Variants in SPAG16 observed in about 807,000 individuals in gnomAD.
The protein encoded by SPAG16 is sperm associated antigen 16.
Under a neutral mutation model 80.4 loss-of-function variants are expected in SPAG16, and 86 were observed. The ratio of observed to expected loss-of-function variants is 1.07; its 90% CI spans 0.90 to 1.28. The LOEUF is 1.28. SPAG16 is among the 50% of genes most tolerant of loss of function. The probability of loss-of-function intolerance (pLI) is 0.00; values close to 1 mark genes in which losing one functional copy is unlikely to be tolerated. For synonymous variants in SPAG16, 294 were observed against 265.9 expected (o/e 1.11, Z -1.03); for missense variants, 870 against 765.3 (o/e 1.14, Z -1.61).
intron 10 of SPAG16, among the ~76,000 whole-genome samples, chr2:213,815,125 G>T (rs1251468725): frequency 6.6e-6 from 1 of 151,854 alleles, no homozygotes; most frequent in African/African-American, 2.4e-5. Flanking sequence ...AGATATTCTG[G>T]GCAATCAAGT....
intron 10 of SPAG16, among the ~76,000 whole-genome samples, chr2:213,856,030 C>A (rs559971749): frequency 6.6e-6 from 1 of 152,282 alleles, no homozygotes; most frequent in South Asian, 2.1e-4. Context: ...TCGTCTGAGA[C>A]AAGTTCCTTC....
At chr2:213,691,413 T>G (rs567803282) in intron 10 of SPAG16, among the ~76,000 whole-genome samples, 1 of 152,162 alleles carries the variant, frequency 6.6e-6, no homozygotes, top group Non-Finnish European at 1.5e-5. Context: ...GGCACCTTGA[T>G]CAATAACCTC....
intron 12 of SPAG16, among the ~76,000 whole-genome samples, chr2:213,983,398 A>G (rs954900634): frequency 3.3e-5 from 5 of 151,950 alleles, no homozygotes; most frequent in African/African-American, 1.2e-4. Context: ...CTTTATGCCA[A>G]ACTGTGGTAT....
intron 12 of SPAG16, among the ~76,000 whole-genome samples, chr2:213,988,306 C>T (rs2106441900): frequency 6.6e-6 from 1 of 152,116 alleles, no homozygotes; most frequent in Non-Finnish European, 1.5e-5. Context: ...ATACTTTCTT[C>T]TTAAGTATAC....
rs1281595740 is a variant in SPAG16 at position 213,837,377 on chromosome 2, C to T, written c.1071-25108C>T. On this transcript the variant is annotated intron_variant, in intron 10 of 15. Coordinates refer to ENST00000331683, the MANE Select transcript of SPAG16 (RefSeq NM_024532.5). ...CATTTACAGCCTGACAACCTCTATG[C>T]TCTTCATAAATGAAAATTACAAATG... Among the ~76,000 whole-genome samples the T allele has an allele frequency of 2.0e-5, 3 of 152,218 alleles. No homozygotes were observed. In the East Asian group the frequency reaches 5.8e-4, roughly 29 times the overall value.
rs147130306 is a variant in SPAG16, at chr2:213,519,356, T to C, written c.1070+29266T>C. On this transcript the variant is annotated intron_variant, in intron 10 of 15. Transcript: ENST00000331683. ...TCTTGAATTGTACTCCCATAATTCCTATGTGTTGTGGGAGGGATGCAGTGG... is the reference window on the plus strand; with the variant it reads ...TCTTGAATTGTACTCCCATAATTCCCATGTGTTGTGGGAGGGATGCAGTGG... Among the ~76,000 whole-genome samples, 120 of 152,336 alleles carry C rather than the reference T, an allele frequency of 7.9e-4. 2 individuals carry two copies. Among genetic ancestry groups the C allele is most frequent in the Middle Eastern group, 3.4e-3 (1 of 294 alleles).
At chr2:214,388,340 A>G (rs916155644) in intron 15 of SPAG16, among the ~76,000 whole-genome samples, 8 of 152,176 alleles carry the variant, frequency 5.3e-5, no homozygotes, top group South Asian at 2.1e-4. Context: ...AAGGGCCTAT[A>G]CAAGTGAGGG....
chr2:214,037,341 G>A (rs112431481), intron 13 of SPAG16, among the ~76,000 whole-genome samples: 17 of 151,694 alleles, frequency 1.1e-4, no homozygotes, highest in South Asian at 8.3e-4. Flanking sequence ...TATTCCAATC[G>A]TATGACCTTT....
At chr2:213,460,093 G>A (rs1392885978) in intron 9 of SPAG16, among the ~76,000 whole-genome samples, 1 of 152,104 alleles carries the variant, frequency 6.6e-6, no homozygotes, top group African/African-American at 2.4e-5. Context: ...GTTTCTTCAT[G>A]GTCTTCTGCC....
chr2:214,356,993 A>T (rs1576871383), intron 15 of SPAG16, among the ~76,000 whole-genome samples: 1 of 151,862 alleles, frequency 6.6e-6, no homozygotes, highest in East Asian at 1.9e-4. Flanking sequence ...TTGTCTTCAA[A>T]GTCTTATTAA....
chr2:213,406,871 CAG>C (rs1212839455), intron 9 of SPAG16, among the ~76,000 whole-genome samples: 2 of 149,588 alleles, frequency 1.3e-5, no homozygotes, highest in African/African-American at 4.9e-5. Flanking sequence ...GTGGTGGCCT[CAG>C]GGGTGAGAAA....
intron 10 of SPAG16, among the ~76,000 whole-genome samples, chr2:213,844,273 G>A (rs1320998235): frequency 6.6e-6 from 1 of 152,180 alleles, no homozygotes; most frequent in Non-Finnish European, 1.5e-5. Context: ...TTTTATCTCA[G>A]CCTAATTAAC....
chr2:214,174,111 A>C (rs1305716959), intron 15 of SPAG16, among the ~76,000 whole-genome samples: 2 of 152,058 alleles, frequency 1.3e-5, no homozygotes, highest in Non-Finnish European at 2.9e-5. Flanking sequence ...TGACAAACCC[A>C]CAGCCAATAT....
In SPAG16 at chr2:213,712,639, C is replaced by A. The variant is rs190429517; in HGVS notation, c.1071-149846C>A. ...AAGTCAGCATCCTGTGGCATTTGCC[C>A]TTCTTTCTCTCTAGGGAAGAAGAAA... On this transcript the variant is annotated intron_variant, in intron 10 of 15. Transcript: ENST00000331683. Among the ~76,000 whole-genome samples, 279 of 152,230 alleles carry A rather than the reference C, an allele frequency of 1.8e-3. 3 individuals are homozygous for A. The highest frequency in any genetic ancestry group is 6.3e-3 in the African/African-American group (261 of 41,518).
chr2:213,850,606 G>A (rs1022833344), intron 10 of SPAG16, among the ~76,000 whole-genome samples: 1 of 152,156 alleles, frequency 6.6e-6, no homozygotes, highest in Non-Finnish European at 1.5e-5. Flanking sequence ...GGTCTTTAAG[G>A]AAAAGAAGAG....
intron 7 of SPAG16, among the ~76,000 whole-genome samples, chr2:213,353,649 G>A (rs1455562839): frequency 2.0e-5 from 3 of 152,094 alleles, no homozygotes; most frequent in Non-Finnish European, 2.9e-5. Flanking sequence ...GATAAAGTAG[G>A]ACTCATGTCT....
intron 15 of SPAG16, among the ~76,000 whole-genome samples, chr2:214,287,191 T>G (rs950177353): frequency 6.6e-6 from 1 of 152,218 alleles, no homozygotes; most frequent in Non-Finnish European, 1.5e-5. Flanking sequence ...ATTGATTATA[T>G]CCACTGAAAT....
chr2:214,113,885 CT>C (rs2125427477), intron 14 of SPAG16, among the ~76,000 whole-genome samples: 1 of 152,272 alleles, frequency 6.6e-6, no homozygotes, highest in East Asian at 1.9e-4. Context: ...AGCTGTGATC[CT>C]TTGGAGGAGA....
chr2:214,329,520 A>G (rs1403371922), intron 15 of SPAG16, among the ~76,000 whole-genome samples: 1 of 152,170 alleles, frequency 6.6e-6, no homozygotes, highest in African/African-American at 2.4e-5. Context: ...AGATGATTGT[A>G]TACATTACTT....
Sources: gnomAD v4.1 joint callset for allele counts (sites outside exome capture counted in the v4.1 genomes callset) on GRCh38, gnomAD v4.1.1 for gene constraint, MANE v1.5 for transcripts, NCBI Gene and HGNC (gene_info 2026-07-23, HGNC 2026-07-21) for gene names.